The following ZBTB20 variants were observed in gnomAD, a reference collection of about 807,000 sequenced individuals.
The protein encoded by ZBTB20 is zinc finger and BTB domain containing 20, also known as zinc finger and BTB domain-containing protein 20.
Under a neutral mutation model 56.9 loss-of-function variants are expected in ZBTB20, and 9 were observed. The observed-to-expected ratio is 0.16, with a 90% CI of 0.10 to 0.28. The LOEUF (loss-of-function observed/expected upper bound fraction) is 0.28, where lower values mean the gene tolerates loss of function less well. Ranked by LOEUF, ZBTB20 falls within the 10% of genes least tolerant of loss-of-function variation. The pLI is 1.00. For synonymous variants in ZBTB20, 417 were observed against 420.7 expected, an observed-to-expected ratio of 0.99 and a Z score of 0.11; for missense variants, 655 against 1,003.0, an observed-to-expected ratio of 0.65 and a Z score of 4.69.
rs113027537 is a variant in ZBTB20 at position 115,087,834 on chromosome 3, C to T, written c.-702-16420G>A. On this transcript the variant is annotated intron_variant, in intron 1 of 11. Coordinates refer to ENST00000675478, the MANE Select transcript of ZBTB20 (RefSeq NM_001348800.3). ...CACCCACATGCCATCAGTTATTTTCCCTCCTTTTTCCTGCCTCCTTTGCCT... is the reference window on the plus strand; with the variant it reads ...CACCCACATGCCATCAGTTATTTTCTCTCCTTTTTCCTGCCTCCTTTGCCT... Among the ~76,000 whole-genome samples, 691 of 152,000 alleles carry T rather than the reference C, an allele frequency of 4.5e-3. 4 individuals carry two copies. The highest frequency in any genetic ancestry group is 0.016 in the African/African-American group (674 of 41,508).
intron 2 of ZBTB20, among the ~76,000 whole-genome samples, chr3:115,052,756 C>T (rs1348493994): frequency 1.3e-5 from 2 of 152,000 alleles, no homozygotes; most frequent in African/African-American, 4.8e-5. Context: ...CTAATTTTCA[C>T]TATAAACTGT....
intron 6 of ZBTB20, among the ~76,000 whole-genome samples, chr3:114,690,809 T>TA (rs2062654781): frequency 6.6e-6 from 1 of 152,206 alleles, no homozygotes. Flanking sequence ...AAGCCAGTGT[T>TA]ACATTTGATT....
intron 4 of ZBTB20, among the ~76,000 whole-genome samples, chr3:114,892,336 T>G (rs1392228238): frequency 1.3e-5 from 2 of 152,194 alleles, no homozygotes; most frequent in African/African-American, 4.8e-5. Context: ...CAAATAAATT[T>G]GGTGCATTCA....
At chr3:114,952,059 A>C (rs376751618) in intron 3 of ZBTB20, among the ~76,000 whole-genome samples, 90 of 152,262 alleles carry the variant, frequency 5.9e-4, no homozygotes, top group African/African-American at 2.1e-3. Context: ...AGTGGCTCAG[A>C]AACCTGTGGG....
Position 114,314,843 on chromosome 3 carries a change from T to A in ZBTB20, c.*24162A>T, listed in dbSNP as rs1196746673. ...TACAGTTAATTTTTCTTTTTTTGAA[T>A]GTTTTTTTTCCTGTTTAAATAACAA... is the stretch of plus-strand genomic sequence containing the variant. On this transcript the variant is annotated 3_prime_UTR_variant, in exon 12 of 12. Transcript: ENST00000675478. 1 of 151,986 alleles carries A rather than the reference T, an allele frequency of 6.6e-6. No homozygotes were observed. Among genetic ancestry groups the A allele is most frequent in the Non-Finnish European group, 1.5e-5 (1 of 67,998 alleles). 9.4% of individuals were successfully genotyped at this position (151,986 alleles called of 1,614,324 possible). A position where few individuals can be genotyped will look rare whatever the true frequency, so the allele number is the denominator to read the frequency against.
intron 3 of ZBTB20, among the ~76,000 whole-genome samples, chr3:114,953,689 CAGAGCTTCAAA>C (rs1180925655): frequency 6.6e-6 from 1 of 151,880 alleles, no homozygotes; most frequent in Non-Finnish European, 1.5e-5. Flanking sequence ...GCCCTAACAA[CAGAGCTTCAAA>C]ATACATGAAG....
At chr3:114,352,515 T>C (rs1170242285) in intron 10 of ZBTB20, among the ~76,000 whole-genome samples, 1 of 152,240 alleles carries the variant, frequency 6.6e-6, no homozygotes, top group Non-Finnish European at 1.5e-5. Context: ...GTCATGATCA[T>C]GCTTTCCGGA....
chr3:115,035,447 C>T (rs1445695048), intron 2 of ZBTB20, among the ~76,000 whole-genome samples: 1 of 151,848 alleles, frequency 6.6e-6, no homozygotes, highest in African/African-American at 2.4e-5. Flanking sequence ...GGCAAACAAG[C>T]ACATGAAAAG....
rs777745612 is a variant in ZBTB20 at position 114,339,155 on chromosome 3, AG to A, written c.2075del (p.Pro692LeufsTer43). ...ALHSASNGTPPAGTPPGARAG... is the reference protein window; with the variant it reads ...ALHSASNGTPXAGTPPGARAG... ...CGCGGGCACCTGGGGGTGTGCCTGC[AG>A]GGGGGGTCCCATTGCTGGCACTGTG... On this transcript the variant is annotated frameshift_variant, in exon 12 of 12. Transcript: ENST00000675478. LOFTEE classifies it high-confidence loss of function. The surrounding 1 kb of genome is among the most constrained non-coding windows in gnomAD (Gnocchi z 4.2). The A allele has an allele frequency of 1.9e-6, 3 of 1,613,856 alleles. No homozygotes were observed. The highest frequency in any genetic ancestry group is 1.7e-6 in the Non-Finnish European group (2 of 1,179,798).
At chr3:114,393,035 A>C (rs919961709) in intron 7 of ZBTB20, among the ~76,000 whole-genome samples, 2 of 152,174 alleles carry the variant, frequency 1.3e-5, no homozygotes, top group Admixed American at 6.5e-5. Flanking sequence ...ACTGTTACTC[A>C]CCAGAGGAAA....
At chr3:114,404,790 T>C (rs2087150085) in intron 7 of ZBTB20, among the ~76,000 whole-genome samples, 1 of 152,180 alleles carries the variant, frequency 6.6e-6, no homozygotes, top group East Asian at 1.9e-4. Context: ...CATGACTCGC[T>C]CTTTTCCATC....
At position 114,502,666 on chromosome 3, in the gene ZBTB20, T is replaced by C. The variant is rs575948691; in HGVS notation, c.-294-2275A>G. The C allele has an allele frequency of 3.3e-5, 5 of 152,324 alleles. No homozygotes were observed. In the East Asian group the frequency reaches 7.7e-4, roughly 23 times the overall value. 9.4% of individuals were successfully genotyped at this position (152,324 alleles called of 1,614,324 possible). A position where few individuals can be genotyped will look rare whatever the true frequency, so the allele number is the denominator to read the frequency against. Reference sequence around the variant, plus strand: ...CTAGTCTTCAAAGATTTTAAAGCTCTAAGTTTTGCTATATTCTAGTCTTCT... The same window carrying C: ...CTAGTCTTCAAAGATTTTAAAGCTCCAAGTTTTGCTATATTCTAGTCTTCT... On this transcript the variant is annotated intron_variant, in intron 6 of 11. Coordinates refer to ENST00000675478, the MANE Select transcript of ZBTB20 (RefSeq NM_001348800.3).
At chr3:114,346,605 A>G (rs766871225) in intron 11 of ZBTB20, among the ~76,000 whole-genome samples, 1 of 152,170 alleles carries the variant, frequency 6.6e-6, no homozygotes, top group Non-Finnish European at 1.5e-5. Flanking sequence ...ATGCTTTACA[A>G]CTAAAGCTTC....
intron 5 of ZBTB20, among the ~76,000 whole-genome samples, chr3:114,794,846 G>T (rs1190930434): frequency 6.6e-6 from 1 of 151,992 alleles, no homozygotes; most frequent in South Asian, 2.1e-4. Flanking sequence ...GAATAATGAT[G>T]ATTTATTTTC....
At chr3:114,512,659 C>T (rs1354095393) in intron 6 of ZBTB20, among the ~76,000 whole-genome samples, 1 of 152,132 alleles carries the variant, frequency 6.6e-6, no homozygotes, top group Non-Finnish European at 1.5e-5. Context: ...CTTCTCCACT[C>T]CCAACTAACT....
intron 6 of ZBTB20, among the ~76,000 whole-genome samples, chr3:114,612,470 T>C (rs116191474): frequency 0.016 from 2,459 of 152,266 alleles, 29 homozygotes; most frequent in Non-Finnish European, 0.024. Context: ...TAAATTTAAA[T>C]TGTACCACTT....
intron 8 of ZBTB20, among the ~76,000 whole-genome samples, chr3:114,384,852 T>C (rs1576514309): frequency 6.6e-6 from 1 of 152,352 alleles, no homozygotes; most frequent in East Asian, 1.9e-4. Flanking sequence ...GCATGTTAAA[T>C]GCATGGAAAT....
chr3:114,711,194 ATT>A (rs60034496), intron 5 of ZBTB20, among the ~76,000 whole-genome samples: 1 of 151,518 alleles, frequency 6.6e-6, no homozygotes. Context: ...ATTTAAAATG[ATT>A]TTTTTTTGTT....
chr3:114,635,351 A>G (rs555180974), intron 6 of ZBTB20, among the ~76,000 whole-genome samples: 1 of 152,114 alleles, frequency 6.6e-6, no homozygotes, highest in Non-Finnish European at 1.5e-5. Flanking sequence ...ATCAAAACTC[A>G]TCTGTAGAGA....
Sources: allele counts gnomAD v4.1 joint callset (sites outside exome capture counted in the v4.1 genomes callset), GRCh38; gene constraint gnomAD v4.1.1; non-coding constraint Gnocchi (gnomAD v3.1); transcripts MANE v1.5; gene names NCBI Gene and HGNC (gene_info 2026-07-23, HGNC 2026-07-21).